IL10RB: variants seen among roughly 807,000 people sequenced by gnomAD.
The protein encoded by IL10RB is interleukin-10 receptor subunit beta.
IL10RB carries 30 observed loss-of-function variants against 38.7 expected under a neutral mutation model. That is an observed-to-expected ratio of 0.78 (90% CI 0.58 to 1.05). IL10RB has a LOEUF of 1.05. IL10RB is among the 50% of genes least tolerant of loss of function. IL10RB has a pLI of 0.00. For missense variants in IL10RB, 328 were observed against 397.1 expected (o/e 0.83, Z 1.48); for synonymous variants, 142 against 145.9 (o/e 0.97, Z 0.19).
rs926211903 is a variant in IL10RB, at chr21:33,295,600, A to T, written c.805-584A>T. Among the ~76,000 whole-genome samples the T allele has an allele frequency of 6.1e-5, 9 of 148,280 alleles. No individual in the cohort carries two copies. The East Asian group carries it at 1.8e-3, about 30-fold the overall frequency. On this transcript the variant is annotated intron_variant, in intron 6 of 6. Transcript: ENST00000290200. ...GGGAGGAGAATCTCTGGAACCTGGG[A>T]GGCAAAGGTTGCAGTGAGCCAAAAC...
At chr21:33,291,880 G>A (rs1989495326) in intron 6 of IL10RB, among the ~76,000 whole-genome samples, 1 of 152,306 alleles carries the variant, frequency 6.6e-6, no homozygotes, top group South Asian at 2.1e-4. Context: ...ACCCAGCCGT[G>A]GGAGTGGGAG....
downstream of IL10RB, among the ~76,000 whole-genome samples, chr21:33,298,174 C>A (rs1210868382): frequency 6.6e-6 from 1 of 152,216 alleles, no homozygotes; most frequent in South Asian, 2.1e-4. Context: ...TTAATCTCAT[C>A]TTTAAAAATA....
At chr21:33,301,814 C>T (rs1347964220), downstream of IL10RB, among the ~76,000 whole-genome samples, 2 of 152,206 alleles carry the variant, frequency 1.3e-5, no homozygotes, top group African/African-American at 2.4e-5. Flanking sequence ...CAATCACTTA[C>T]CTAAGATCAC....
chr21:33,291,639 A>G (rs2843944), intron 6 of IL10RB, among the ~76,000 whole-genome samples: 100,281 of 151,984 alleles, frequency 0.66, 33,238 homozygotes, highest in Non-Finnish European at 0.69. Flanking sequence ...ACACCTGTGA[A>G]ACCTTGGGAA....
chr21:33,304,272 A>T (rs1301320359), intron 1 of IL10RB, among the ~76,000 whole-genome samples: 2 of 152,240 alleles, frequency 1.3e-5, no homozygotes, highest in African/African-American at 4.8e-5. Flanking sequence ...TTTCCACAGC[A>T]GTCTGGAGGA....
intron 6 of IL10RB, among the ~76,000 whole-genome samples, 185 bp from the exon 7 acceptor site, chr21:33,295,999 G>A (rs1033143040): frequency 5.9e-5 from 9 of 152,232 alleles, no homozygotes; most frequent in East Asian, 3.9e-4. Context: ...AGCTGAGATC[G>A]TGCCACTGCA....
chr21:33,271,962 G>T (rs1287792508), intron 2 of IL10RB, among the ~76,000 whole-genome samples: 1 of 151,814 alleles, frequency 6.6e-6, no homozygotes, highest in African/African-American at 2.4e-5. Flanking sequence ...ACTTGAGTTG[G>T]AAAGAAGGAA....
chr21:33,293,370 G>C (rs1303754262), intron 6 of IL10RB, among the ~76,000 whole-genome samples: 1 of 152,240 alleles, frequency 6.6e-6, no homozygotes, highest in Non-Finnish European at 1.5e-5. Flanking sequence ...AAGGGACTCA[G>C]CTGTGAGCCA....
intron 6 of IL10RB, among the ~76,000 whole-genome samples, chr21:33,289,499 C>T (rs1240785031): frequency 6.6e-6 from 1 of 152,192 alleles, no homozygotes. Context: ...GGGCTGCTGA[C>T]CTGATTGGGT....
chr21:33,268,090 C>G (rs371599691), intron 1 of IL10RB: 7 of 589,996 alleles, frequency 1.2e-5, no homozygotes, highest in Admixed American at 3.5e-5. Context: ...TTTGTTTTTA[C>G]GTCTGGAAAT....
intron 6 of IL10RB, among the ~76,000 whole-genome samples, chr21:33,291,912 G>A (rs1359372308): frequency 6.6e-5 from 10 of 152,248 alleles, no homozygotes; most frequent in African/African-American, 1.2e-4. Flanking sequence ...AGGCCCACGC[G>A]CAGCCTCCAT....
At chr21:33,303,994 G>T (rs1277228169) in intron 1 of IL10RB, among the ~76,000 whole-genome samples, 1 of 152,168 alleles carries the variant, frequency 6.6e-6, no homozygotes, top group Non-Finnish European at 1.5e-5. Context: ...GCTCCCTAGG[G>T]GAATGAGAAA....
intron 5 of IL10RB, among the ~76,000 whole-genome samples, chr21:33,286,988 TG>T (rs8178519): frequency 1.4e-3 from 216 of 152,264 alleles, no homozygotes; most frequent in Non-Finnish European, 2.4e-3. Context: ...CCTCTGTGTC[TG>T]TGAACCGGTG....
downstream of IL10RB, among the ~76,000 whole-genome samples, chr21:33,300,552 G>A (rs1356925610): frequency 6.6e-6 from 1 of 152,018 alleles, no homozygotes; most frequent in Non-Finnish European, 1.5e-5. Flanking sequence ...ATATGCAAGC[G>A]AAAAACAAAA....
At chr21:33,266,809 G>T (rs1988959244) in intron 1 of IL10RB, among the ~76,000 whole-genome samples, 1 of 152,112 alleles carries the variant, frequency 6.6e-6, no homozygotes, top group Non-Finnish European at 1.5e-5. Flanking sequence ...CTCTGCTGGC[G>T]GGCGTCTAAA....
At chr21:33,279,361 T>G (rs1330137175) in intron 3 of IL10RB, among the ~76,000 whole-genome samples, 1 of 152,232 alleles carries the variant, frequency 6.6e-6, no homozygotes, top group Non-Finnish European at 1.5e-5. Flanking sequence ...AGATGCCATC[T>G]GTAGCTTCCA....
chr21:33,287,976 G>A (rs1337713923), intron 5 of IL10RB, 128 bp from the exon 6 acceptor site: 2 of 917,356 alleles, frequency 2.2e-6, no homozygotes, highest in Non-Finnish European at 3.6e-6. Context: ...ACCAGTTGCT[G>A]TTTCTGAGAC....
At chr21:33,286,050 G>C (rs1989368361) in intron 5 of IL10RB, among the ~76,000 whole-genome samples, 1 of 152,204 alleles carries the variant, frequency 6.6e-6, no homozygotes, top group Admixed American at 6.5e-5. Context: ...GGGGAGATGG[G>C]AGGCCGCCTG....
chr21:33,278,262 G>A (rs180716885), intron 3 of IL10RB, among the ~76,000 whole-genome samples: 44 of 151,978 alleles, frequency 2.9e-4, no homozygotes, highest in Middle Eastern at 6.8e-3. Flanking sequence ...TCTTTATGCC[G>A]GTCCCTGCTC....
Sources: gnomAD v4.1 joint callset for allele counts (sites outside exome capture counted in the v4.1 genomes callset) on GRCh38, gnomAD v4.1.1 for gene constraint, MANE v1.5 for transcripts, NCBI Gene and HGNC (gene_info 2026-07-23, HGNC 2026-07-21) for gene names.